The following JRK variants were observed in gnomAD, a reference collection of about 807,000 sequenced individuals.
The protein encoded by JRK is jerky protein homolog.
For missense variants in JRK, 720 were observed against 509.2 expected, an observed-to-expected ratio of 1.41 and a Z score of -3.98; for synonymous variants, 303 against 218.1, an observed-to-expected ratio of 1.39 and a Z score of -3.43.
In JRK at chr8:142,663,753, T is replaced by C. The variant is rs1387172567; in HGVS notation, c.*599A>G. ...GAGGATGGTTCCAGAGTCATTCTGC[T>C]GAATGAGGCCACAACTGAAGTGAGA... On this transcript the variant is annotated 3_prime_UTR_variant, in exon 2 of 2. Coordinates refer to ENST00000612905, the MANE Select transcript of JRK (RefSeq NM_003724.4). The C allele has an allele frequency of 6.1e-6, 6 of 985,412 alleles. No individual in the cohort carries two copies. Among genetic ancestry groups the C allele is most frequent in the Non-Finnish European group, 7.2e-6 (6 of 830,008 alleles). The allele number at this position is 985,412 out of a possible 1,614,324, so 61.0% of individuals were successfully genotyped here. A position where few individuals can be genotyped will look rare whatever the true frequency, so the allele number is the denominator to read the frequency against.
At chr8:142,668,857 G>C (rs587653215) in intron 1 of JRK, among the ~76,000 whole-genome samples, 11 of 151,884 alleles carry the variant, frequency 7.2e-5, no homozygotes, top group Non-Finnish European at 1.2e-4. Flanking sequence ...GCCCGTGTCT[G>C]GTGCTGAGTC....
downstream of JRK, among the ~76,000 whole-genome samples, chr8:142,655,812 T>C (rs1262175747): frequency 1.3e-5 from 2 of 152,236 alleles, no homozygotes; most frequent in Non-Finnish European, 2.9e-5. Context: ...ACTGGGTATT[T>C]TCCAATGTAG....
chr8:142,646,859 CT>C, the JRK span, among the ~76,000 whole-genome samples: 1 of 152,250 alleles, frequency 6.6e-6, no homozygotes, highest in East Asian at 1.9e-4. Context: ...AGAAGTACAT[CT>C]TGTAGATTCC....
chr8:142,654,697 T>C (rs1846717663), downstream of JRK, among the ~76,000 whole-genome samples: 1 of 151,754 alleles, frequency 6.6e-6, no homozygotes, highest in South Asian at 2.1e-4. Context: ...CCAGTGCAGG[T>C]GCCACCTGCT....
chr8:142,660,835 C>T lies in JRK; in HGVS notation c.*3517G>A. ...GAATGGATGCAGTCTACACCTTCTG[C>T]AAACCCCTGCCTCAAACCGTGTCCC... On this transcript the variant is annotated 3_prime_UTR_variant, in exon 2 of 2. Coordinates refer to ENST00000612905, the MANE Select transcript of JRK (RefSeq NM_003724.4). The T allele has an allele frequency of 1.0e-6, 1 of 985,676 alleles. No individual in the cohort carries two copies. Among genetic ancestry groups the T allele is most frequent in the South Asian group, 4.7e-5 (1 of 21,290 alleles). The allele number at this position is 985,676 out of a possible 1,614,324, so 61.1% of individuals were successfully genotyped here.
downstream of JRK, among the ~76,000 whole-genome samples, chr8:142,655,345 G>A (rs1257045965): frequency 1.3e-5 from 2 of 152,222 alleles, no homozygotes; most frequent in Admixed American, 1.3e-4. Context: ...CCTGCAGAGT[G>A]GCCCCACACG....
At position 142,664,910 on chromosome 8, in the gene JRK, C is replaced by A; in HGVS notation, c.1149G>T (p.Arg383Ser). The part of the protein sequence containing the change: ...VPSHVFRRAW[R>S]KLWPSVAFAE... ...CAAACGCAACCGACGGCCACAGCTT[C>A]CTCCAGGCCCGCCTGAAGACGTGGC... The change falls in exon 2 of 2, where the codon AGG becomes AGT. Residue 383 changes from arginine (R) to serine (S), a missense_variant. Transcript: ENST00000612905. 9.8e-7 allele frequency: 1 copy of A among 1,021,484 alleles called. No individual in the cohort carries two copies. The highest frequency in any genetic ancestry group is 1.6e-6 in the Non-Finnish European group (1 of 643,772). 63.3% of individuals were successfully genotyped at this position (1,021,484 alleles called of 1,614,324 possible). A position where few individuals can be genotyped will look rare whatever the true frequency, so the allele number is the denominator to read the frequency against.
chr8:142,659,392 C>T lies in JRK; in HGVS notation c.*4960G>A. The T allele has an allele frequency of 1.0e-6, 1 of 988,464 alleles. No individual in the cohort carries two copies. The highest frequency in any genetic ancestry group is 1.2e-6 in the Non-Finnish European group (1 of 831,776). The allele number at this position is 988,464 out of a possible 1,614,324, so 61.2% of individuals were successfully genotyped here. A position where few individuals can be genotyped will look rare whatever the true frequency, so the allele number is the denominator to read the frequency against. On this transcript the variant is annotated 3_prime_UTR_variant, in exon 2 of 2. Transcript: ENST00000612905. ...ACTAAGGAGGCCCAACGATCCTCGC[C>T]TGTGTGGGACGGGGCTACCTGCAGA...
chr8:142,661,475 C>T lies in JRK; in HGVS notation c.*2877G>A. On this transcript the variant is annotated 3_prime_UTR_variant, in exon 2 of 2. Transcript: ENST00000612905. ...ATGAAGGCAGTGGTGGAAAGAGGTTCTATTAGCAGGCTGGAAGCAGCCACA... is the reference window on the plus strand; with the variant it reads ...ATGAAGGCAGTGGTGGAAAGAGGTTTTATTAGCAGGCTGGAAGCAGCCACA... 1 of 985,508 alleles carries T rather than the reference C, an allele frequency of 1.0e-6. No individual in the cohort carries two copies. The highest frequency in any genetic ancestry group is 1.2e-6 in the Non-Finnish European group (1 of 830,002). 61.0% of individuals were successfully genotyped at this position (985,508 alleles called of 1,614,324 possible). A position where few individuals can be genotyped will look rare whatever the true frequency, so the allele number is the denominator to read the frequency against.
chr8:142,644,614 T>A, the JRK span, among the ~76,000 whole-genome samples: 1 of 152,220 alleles, frequency 6.6e-6, no homozygotes, highest in Non-Finnish European at 1.5e-5. Flanking sequence ...GTTTGTCAAA[T>A]GTCAAAGGTT....
At chr8:142,646,591 A>T in the JRK span, among the ~76,000 whole-genome samples, 2 of 152,248 alleles carry the variant, frequency 1.3e-5, no homozygotes, top group Non-Finnish European at 2.9e-5. Context: ...AAAAATGCAA[A>T]CAAAAATGTA....
intron 1 of JRK, among the ~76,000 whole-genome samples, chr8:142,668,342 G>A (rs1400584735): frequency 6.6e-6 from 1 of 152,188 alleles, no homozygotes; most frequent in African/African-American, 2.4e-5. Flanking sequence ...GGTGAGTACT[G>A]TCCTCTTCCG....
At chr8:142,668,495 G>A (rs782627877) in intron 1 of JRK, among the ~76,000 whole-genome samples, 1 of 151,510 alleles carries the variant, frequency 6.6e-6, no homozygotes, top group Non-Finnish European at 1.5e-5. Flanking sequence ...AGGAGGGAAG[G>A]CAAGGCCACA....
rs1406381454 is a variant in JRK at position 142,662,123 on chromosome 8, G to A, written c.*2229C>T. ...CCTTGCTGCAGTTGGTCTGGAAGAG[G>A]GGCACCCTGAGGACACAGCCACTCA... On this transcript the variant is annotated 3_prime_UTR_variant, in exon 2 of 2. Transcript: ENST00000612905. 1 of 985,720 alleles carries A rather than the reference G, an allele frequency of 1.0e-6. No homozygotes were observed. The highest frequency in any genetic ancestry group is 1.7e-5 in the African/African-American group (1 of 57,234). 61.1% of individuals were successfully genotyped at this position (985,720 alleles called of 1,614,324 possible). A position where few individuals can be genotyped will look rare whatever the true frequency, so the allele number is the denominator to read the frequency against.
the JRK span, among the ~76,000 whole-genome samples, chr8:142,647,473 C>T: frequency 8.0e-3 from 1,217 of 152,238 alleles, 18 homozygotes; most frequent in African/African-American, 0.028. Context: ...TCATGAGGCA[C>T]GTCTTTCCCA....
the JRK span, among the ~76,000 whole-genome samples, chr8:142,644,257 A>G: frequency 1.3e-5 from 2 of 152,184 alleles, no homozygotes; most frequent in South Asian, 4.1e-4. Context: ...TGTGAATGAC[A>G]AAAGGTTTTA....
the JRK span, among the ~76,000 whole-genome samples, chr8:142,648,795 T>C: frequency 1.3e-5 from 2 of 152,108 alleles, no homozygotes; most frequent in Non-Finnish European, 2.9e-5. Context: ...CCCAGAATGG[T>C]AGATCCACTG....
intron 1 of JRK, among the ~76,000 whole-genome samples, chr8:142,666,823 G>A (rs1847142198): frequency 6.6e-6 from 1 of 152,352 alleles, no homozygotes; most frequent in Non-Finnish European, 1.5e-5. Context: ...TCCTGGGGAA[G>A]CGCTCAGGCA....
chr8:142,660,614 C>G lies in JRK; in HGVS notation c.*3738G>C, dbSNP rs1188981192. On this transcript the variant is annotated 3_prime_UTR_variant, in exon 2 of 2. Transcript: ENST00000612905. Reference sequence around the variant, plus strand: ...ATGGGGTCTCCCTATGTTGCCCAGGCTGGTTTCAAACTCCTGAACTAAAGT... The same window carrying G: ...ATGGGGTCTCCCTATGTTGCCCAGGGTGGTTTCAAACTCCTGAACTAAAGT... 2 of 849,826 alleles carry G rather than the reference C, an allele frequency of 2.4e-6. No homozygotes were observed. Among genetic ancestry groups the G allele is most frequent in the East Asian group, 1.2e-4 (1 of 8,078 alleles). 52.6% of individuals were successfully genotyped at this position (849,826 alleles called of 1,614,324 possible).
Sources: gnomAD v4.1 joint callset for allele counts (sites outside exome capture counted in the v4.1 genomes callset) on GRCh38, gnomAD v4.1.1 for gene constraint, MANE v1.5 for transcripts, NCBI Gene and HGNC (gene_info 2026-07-23, HGNC 2026-07-21) for gene names.